Variants in FGF14 observed in about 807,000 individuals in gnomAD.
The protein encoded by FGF14 is fibroblast growth factor homologous factor 4.
In FGF14, 5 loss-of-function variants were observed where a neutral mutation model predicts 25.5. The ratio of observed to expected loss-of-function variants is 0.20; its 90% CI spans 0.10 to 0.41. FGF14 has a LOEUF of 0.41. Among genes scored for constraint, FGF14 ranks in the 10% least tolerant of loss-of-function variants. FGF14 has a pLI of 1.00. For missense variants in FGF14, 222 were observed against 320.1 expected (o/e 0.69, Z 2.34); for synonymous variants, 138 against 118.3 (o/e 1.17, Z -1.08).
intron 1 of FGF14, among the ~76,000 whole-genome samples, chr13:102,114,831 G>A (rs369809636): frequency 6.6e-6 from 1 of 152,090 alleles, no homozygotes; most frequent in African/African-American, 2.4e-5. Flanking sequence ...CTGAGGGAAG[G>A]GGGAGAGGAG....
intron 1 of FGF14, among the ~76,000 whole-genome samples, chr13:102,206,856 A>C (rs555263929): frequency 1.3e-5 from 2 of 152,280 alleles, no homozygotes; most frequent in East Asian, 3.9e-4. Flanking sequence ...AATCAGGTGA[A>C]AATTAGGGCA....
chr13:101,996,119 A>T (rs2039169460), intron 1 of FGF14, among the ~76,000 whole-genome samples: 1 of 152,178 alleles, frequency 6.6e-6, no homozygotes, highest in African/African-American at 2.4e-5. Context: ...TATACCCCAT[A>T]AATATATACA....
chr13:101,738,649 A>G (rs2139765036), intron 3 of FGF14, among the ~76,000 whole-genome samples: 1 of 152,246 alleles, frequency 6.6e-6, no homozygotes, highest in Admixed American at 6.5e-5. Flanking sequence ...TGTGGGTTAA[A>G]TAACTCTAAC....
intron 1 of FGF14, among the ~76,000 whole-genome samples, chr13:102,187,348 G>A (rs907349494): frequency 6.6e-6 from 1 of 152,106 alleles, no homozygotes; most frequent in African/African-American, 2.4e-5. Context: ...ACTCTTGTTT[G>A]AGAAACTCTG....
chr13:102,005,935 C>T (rs761818616), intron 1 of FGF14, among the ~76,000 whole-genome samples: 3 of 152,128 alleles, frequency 2.0e-5, no homozygotes, highest in Non-Finnish European at 4.4e-5. Flanking sequence ...CCCAAGCTTG[C>T]AATTATGTAG....
At chr13:101,954,864 G>C (rs2139417764) in intron 1 of FGF14, among the ~76,000 whole-genome samples, 1 of 152,364 alleles carries the variant, frequency 6.6e-6, no homozygotes, top group African/African-American at 2.4e-5. Flanking sequence ...AAACATCTCA[G>C]CTAACAGATT....
intron 1 of FGF14, among the ~76,000 whole-genome samples, chr13:101,946,146 A>C (rs924432310): frequency 2.6e-5 from 4 of 152,068 alleles, no homozygotes; most frequent in African/African-American, 9.7e-5. Flanking sequence ...ACTCGTGTTT[A>C]AGATCTCCTT....
intron 1 of FGF14, among the ~76,000 whole-genome samples, chr13:102,093,537 G>T (rs1358242491): frequency 6.6e-6 from 1 of 152,166 alleles, no homozygotes; most frequent in East Asian, 1.9e-4. Context: ...GCATGAGCAG[G>T]TCATAACCCT....
intron 1 of FGF14, among the ~76,000 whole-genome samples, chr13:102,225,978 G>A (rs1298918536): frequency 1.3e-5 from 2 of 152,140 alleles, no homozygotes; most frequent in Non-Finnish European, 2.9e-5. Flanking sequence ...CCTTGGAAGA[G>A]TTTTTACCTG....
chr13:101,948,030 T>G (rs1052450934), intron 1 of FGF14, among the ~76,000 whole-genome samples: 1 of 152,204 alleles, frequency 6.6e-6, no homozygotes, highest in African/African-American at 2.4e-5. Context: ...TGAGAGGTGA[T>G]GGTATCCAAG....
Position 101,841,395 on chromosome 13 carries a change from G to A in FGF14, c.408+27330C>T, listed in dbSNP as rs527499645. Among the ~76,000 whole-genome samples, 5 of 151,844 alleles carry A rather than the reference G, an allele frequency of 3.3e-5. 1 individual carries two copies. In the East Asian group the frequency reaches 9.8e-4, roughly 30 times the overall value. On this transcript the variant is annotated intron_variant, in intron 3 of 4. Transcript: ENST00000376143. ...AAGATCTGTGCTGATTTTTTTTCCA[G>A]TATCTAAACTGCTTAGCAAGTCAAA...
At position 101,943,826 on chromosome 13, in the gene FGF14, A is replaced by ATATATATATATAT. The variant is rs1248619839; in HGVS notation, c.209-68531_209-68530insATATATATATATA. Among the ~76,000 whole-genome samples, 208 of 126,756 alleles carry ATATATATATATAT rather than the reference A, an allele frequency of 1.6e-3. 2 individuals carry two copies. Among genetic ancestry groups the ATATATATATATAT allele is most frequent in the African/African-American group, 6.8e-3 (198 of 29,206 alleles). The allele number at this position is 126,756 out of a possible 152,430, so 83.2% of individuals were successfully genotyped here. A position where few individuals can be genotyped will look rare whatever the true frequency, so the allele number is the denominator to read the frequency against. On this transcript the variant is annotated intron_variant, in intron 1 of 4. Coordinates refer to the FGF14 transcript ENST00000376131. The stretch of plus-strand genomic sequence containing the variant: ...CTGTCTCTACTTAAAAAAAAAAAAA[A>ATATATATATATAT]ATATATATATATATATATTCACAAA...
At chr13:101,729,264 T>C (rs2035646334) in intron 3 of FGF14, among the ~76,000 whole-genome samples, 1 of 152,168 alleles carries the variant, frequency 6.6e-6, no homozygotes. Context: ...CAAATGCACA[T>C]GTTACATTCA....
At chr13:102,298,622 C>T (rs566546648) in intron 1 of FGF14, among the ~76,000 whole-genome samples, 11 of 152,100 alleles carry the variant, frequency 7.2e-5, no homozygotes, top group African/African-American at 1.4e-4. Flanking sequence ...ATAATAAATG[C>T]GTTGTGCACT....
At chr13:101,733,198 C>A (rs999345628) in intron 3 of FGF14, among the ~76,000 whole-genome samples, 7 of 151,850 alleles carry the variant, frequency 4.6e-5, no homozygotes, top group African/African-American at 1.7e-4. Flanking sequence ...TGTATGTAGT[C>A]AAAAATTTTT....
At chr13:102,288,828 G>A (rs1428179551) in intron 1 of FGF14, among the ~76,000 whole-genome samples, 19 of 151,970 alleles carry the variant, frequency 1.3e-4, no homozygotes, top group African/African-American at 4.3e-4. Context: ...CAAGTGATCC[G>A]CCTGCCTTGG....
intron 1 of FGF14, among the ~76,000 whole-genome samples, chr13:102,146,153 G>T (rs879762871): frequency 1.3e-5 from 2 of 152,154 alleles, no homozygotes; most frequent in Non-Finnish European, 2.9e-5. Context: ...ATCAGTGTCA[G>T]TTGGGGAAAA....
At chr13:102,090,253 C>T (rs185446834) in intron 1 of FGF14, among the ~76,000 whole-genome samples, 15 of 152,244 alleles carry the variant, frequency 9.9e-5, no homozygotes, top group African/African-American at 1.9e-4. Flanking sequence ...TTCAAGTAAT[C>T]GATGGCAATT....
chr13:102,289,244 C>G (rs562986691), intron 1 of FGF14, among the ~76,000 whole-genome samples: 4 of 152,312 alleles, frequency 2.6e-5, no homozygotes, highest in Middle Eastern at 3.4e-3. Flanking sequence ...CTTGCCATCA[C>G]TATATTTCTA....
Sources: allele counts gnomAD v4.1 joint callset (sites outside exome capture counted in the v4.1 genomes callset), GRCh38; gene constraint gnomAD v4.1.1; transcripts MANE v1.5; gene names NCBI Gene and HGNC (gene_info 2026-07-23, HGNC 2026-07-21).